The following PRKN variants were observed in gnomAD, a reference collection of about 807,000 sequenced individuals.
PRKN encodes E3 ubiquitin-protein ligase parkin.
In PRKN, 56 loss-of-function variants were observed where a neutral mutation model predicts 59.5. The observed-to-expected ratio is 0.94, with a 90% CI of 0.76 to 1.18. PRKN has a LOEUF of 1.18. Among genes scored for constraint, PRKN ranks in the 50% most tolerant of loss-of-function variants. PRKN has a pLI of 0.00. For missense variants in PRKN, 657 were observed against 596.4 expected, an observed-to-expected ratio of 1.10 and a Z score of -1.06; for synonymous variants, 250 against 222.1, an observed-to-expected ratio of 1.13 and a Z score of -1.12.
chr6:162,399,980 C>T (rs548931162), intron 2 of PRKN, among the ~76,000 whole-genome samples: 13 of 152,164 alleles, frequency 8.5e-5, no homozygotes, highest in African/African-American at 1.4e-4. Flanking sequence ...CCAAAGTGGG[C>T]GGATCACCTT....
At chr6:162,419,434 C>T (rs1264314990) in intron 2 of PRKN, among the ~76,000 whole-genome samples, 1 of 152,142 alleles carries the variant, frequency 6.6e-6, no homozygotes, top group Non-Finnish European at 1.5e-5. Context: ...CTCACAAAAA[C>T]ACTATGAGGT....
In PRKN at chr6:161,977,542, G is replaced by GTTTTTTT. The variant is rs1554256833; in HGVS notation, c.619-4132_619-4126dup. 2.1e-4 allele frequency among the ~76,000 whole-genome samples: 22 copies of GTTTTTTT among 104,532 alleles called. 1 individual carries two copies. Among genetic ancestry groups the GTTTTTTT allele is most frequent in the African/African-American group, 5.9e-4 (16 of 26,946 alleles). The allele number at this position is 104,532 out of a possible 152,430, so 68.6% of individuals were successfully genotyped here. ...ATCTTCTCTACTTTCTGTTTTTTTG[G>GTTTTTTT]TTTTTTTTTTTTTTTTTTTTTTTAA... On this transcript the variant is annotated intron_variant, in intron 5 of 11. Coordinates refer to ENST00000366898, the MANE Select transcript of PRKN (RefSeq NM_004562.3).
At chr6:162,431,035 C>A (rs1789495916) in intron 2 of PRKN, among the ~76,000 whole-genome samples, 1 of 152,090 alleles carries the variant, frequency 6.6e-6, no homozygotes, top group Non-Finnish European at 1.5e-5. Context: ...CTTCCCAACG[C>A]CGCCTTCAGT....
At chr6:162,427,239 T>C (rs1295698378) in intron 2 of PRKN, among the ~76,000 whole-genome samples, 13 of 152,332 alleles carry the variant, frequency 8.5e-5, no homozygotes, top group Admixed American at 7.8e-4. Flanking sequence ...TAAATTGTTA[T>C]GATCACCTAG....
intron 5 of PRKN, among the ~76,000 whole-genome samples, chr6:162,020,332 CAAAA>C (rs771141235): frequency 4.6e-3 from 210 of 45,498 alleles, no homozygotes; most frequent in Non-Finnish European, 7.5e-3. Flanking sequence ...ACCAATGAAT[CAAAA>C]AAAAAAAAAA....
At chr6:162,441,846 G>GT (rs1790068695) in intron 2 of PRKN, among the ~76,000 whole-genome samples, 1 of 152,142 alleles carries the variant, frequency 6.6e-6, no homozygotes, top group Admixed American at 6.6e-5. Flanking sequence ...ATCGCTAATT[G>GT]TTTTATGAAT....
At chr6:161,937,448 T>C (rs1046562202) in intron 6 of PRKN, among the ~76,000 whole-genome samples, 1 of 152,244 alleles carries the variant, frequency 6.6e-6, no homozygotes, top group African/African-American at 2.4e-5. Context: ...TTATCATCTA[T>C]AGTCACTTGT....
intron 6 of PRKN, among the ~76,000 whole-genome samples, chr6:161,815,664 A>G (rs551582894): frequency 1.3e-5 from 2 of 152,328 alleles, no homozygotes; most frequent in African/African-American, 4.8e-5. Flanking sequence ...TGAGTCCTGC[A>G]ATCACTCCAG....
chr6:162,019,756 C>T (rs538466414), intron 5 of PRKN, among the ~76,000 whole-genome samples: 37 of 152,238 alleles, frequency 2.4e-4, no homozygotes, highest in Middle Eastern at 3.4e-3. Flanking sequence ...ATGGTGGTCA[C>T]GCCTGTAATC....
chr6:161,973,362 G>C lies in PRKN; in HGVS notation c.674C>G (p.Ala225Gly), dbSNP rs1356263061. Reference protein sequence around the residue: ...HPTSDKETSVALHLIATNSRN... With the variant: ...HPTSDKETSVGLHLIATNSRN... ...ACTATTTGTTGCGATCAGGTGCAAA[G>C]CTACTGATGTTTCCTTGTCAGAGGT... Residue 225 changes from alanine to glycine, a missense_variant, in exon 6 of 12, where the codon GCT (alanine) becomes GGT (glycine). Physicochemically the swap from Ala to Gly is moderately conservative, Grantham distance 60. Transcript: ENST00000366898. 1 of 1,613,996 alleles carries C rather than the reference G, an allele frequency of 6.2e-7. No individual in the cohort carries two copies. Among genetic ancestry groups the C allele is most frequent in the Non-Finnish European group, 8.5e-7 (1 of 1,179,878 alleles).
intron 1 of PRKN, among the ~76,000 whole-genome samples, chr6:162,607,466 A>G (rs1427509572): frequency 2.6e-5 from 4 of 152,068 alleles, no homozygotes; most frequent in African/African-American, 7.2e-5. Context: ...GCACAACTTT[A>G]CCCATTCCAG....
intron 1 of PRKN, among the ~76,000 whole-genome samples, chr6:162,553,148 G>A (rs1277934611): frequency 6.6e-6 from 1 of 152,132 alleles, no homozygotes; most frequent in African/African-American, 2.4e-5. Context: ...GTGCATTGGG[G>A]AAATGAGAGA....
chr6:161,583,155 CT>C (rs1436169497), intron 7 of PRKN, among the ~76,000 whole-genome samples: 2 of 152,130 alleles, frequency 1.3e-5, no homozygotes, highest in South Asian at 2.1e-4. Context: ...TCATGCCTTA[CT>C]TTTTTTCTTT....
Position 161,562,297 on chromosome 6 carries a change from C to A in PRKN, c.933+7058G>T, listed in dbSNP as rs1780486573. Among the ~76,000 whole-genome samples, 1 of 152,176 alleles carries A rather than the reference C, an allele frequency of 6.6e-6. No homozygotes were observed. Among genetic ancestry groups the A allele is most frequent in the African/African-American group, 2.4e-5 (1 of 41,436 alleles). ...AACACCACAAATTGCCATTCCTCCT[C>A]CGGAAGGCCCGCCTACTTGCCTTCT... On this transcript the variant is annotated intron_variant, in intron 8 of 11. Coordinates refer to ENST00000366898, the MANE Select transcript of PRKN (RefSeq NM_004562.3). This position sits in a 1 kb window ranked among gnomAD's most constrained non-coding sequence, Gnocchi z 4.3.
intron 7 of PRKN, among the ~76,000 whole-genome samples, chr6:161,693,364 G>A (rs1785883098): frequency 6.6e-6 from 1 of 152,080 alleles, no homozygotes; most frequent in South Asian, 2.1e-4. Context: ...TTTCCTTCAT[G>A]GGGAAAATGT....
intron 6 of PRKN, among the ~76,000 whole-genome samples, chr6:161,957,703 G>A (rs901452675): frequency 3.3e-5 from 5 of 152,124 alleles, no homozygotes; most frequent in African/African-American, 9.7e-5. Context: ...GATTACAGGC[G>A]TGAGTCACCG....
chr6:162,231,656 GA>G (rs1375050444), intron 3 of PRKN, among the ~76,000 whole-genome samples: 2 of 152,168 alleles, frequency 1.3e-5, no homozygotes, highest in African/African-American at 2.4e-5. Flanking sequence ...ACGGTCCTAG[GA>G]AAATCATACT....
chr6:161,491,755 T>G (rs964575304), intron 9 of PRKN, among the ~76,000 whole-genome samples: 1 of 152,062 alleles, frequency 6.6e-6, no homozygotes, highest in Admixed American at 6.5e-5. Context: ...CTGAGCCTCC[T>G]GAGTAGCTGG....
intron 1 of PRKN, among the ~76,000 whole-genome samples, chr6:162,491,200 A>T (rs1168255652): frequency 1.4e-5 from 2 of 148,106 alleles, no homozygotes; most frequent in East Asian, 4.2e-4. Flanking sequence ...AACCCAGGAG[A>T]TGGAGGCTGC....
Sources: gnomAD v4.1 joint callset for allele counts (sites outside exome capture counted in the v4.1 genomes callset) on GRCh38, gnomAD v4.1.1 for gene constraint, Gnocchi (gnomAD v3.1) non-coding constraint, MANE v1.5 for transcripts, NCBI Gene and HGNC (gene_info 2026-07-23, HGNC 2026-07-21) for gene names.